The following LAMA2 variants were observed in gnomAD, a reference collection of about 807,000 sequenced individuals.
LAMA2 encodes laminin subunit alpha-2.
In LAMA2, 269 loss-of-function variants were observed where a neutral mutation model predicts 364.8. The observed-to-expected ratio is 0.74, with a 90% CI of 0.67 to 0.82. LAMA2 has a LOEUF of 0.82. LAMA2 is among the 40% of genes least tolerant of loss of function. The pLI is 0.00. For synonymous variants in LAMA2, 1,379 were observed against 1,370.6 expected, an observed-to-expected ratio of 1.01 and a Z score of -0.14; for missense variants, 3,807 against 3,873.2, an observed-to-expected ratio of 0.98 and a Z score of 0.45.
intron 39 of LAMA2, among the ~76,000 whole-genome samples, chr6:129,403,415 C>G (rs919859854): frequency 6.6e-6 from 1 of 152,096 alleles, no homozygotes; most frequent in African/African-American, 2.4e-5. Flanking sequence ...TTCTGAAATT[C>G]ACTTGGTCTC....
chr6:129,119,784 G>A (rs1186732346), intron 4 of LAMA2, among the ~76,000 whole-genome samples: 2 of 152,218 alleles, frequency 1.3e-5, no homozygotes, highest in African/African-American at 4.8e-5. Flanking sequence ...TTCTGACCTC[G>A]TGATCTGCCC....
At position 129,051,941 on chromosome 6, in the gene LAMA2, C is replaced by T. The variant is rs955664149; in HGVS notation, c.283+1853C>T. ...GTGTGTTTAGGATGGGCTGTGCAGA[C>T]GGGGAGAATTAGAGAGATAAAATAT... On this transcript the variant is annotated intron_variant, in intron 2 of 64. Coordinates refer to ENST00000421865, the MANE Select transcript of LAMA2 (RefSeq NM_000426.4). Among the ~76,000 whole-genome samples the T allele has an allele frequency of 3.7e-4, 56 of 150,032 alleles. 1 individual carries two copies. Among genetic ancestry groups the T allele is most frequent in the South Asian group, 4.3e-4 (2 of 4,704 alleles).
intron 1 of LAMA2, among the ~76,000 whole-genome samples, chr6:128,934,712 T>C (rs2114524884): frequency 1.3e-5 from 2 of 152,280 alleles, no homozygotes; most frequent in African/African-American, 4.8e-5. Context: ...TTTTGCTATG[T>C]TGGACAGGCT....
chr6:129,305,737 A>C (rs1773826715), intron 22 of LAMA2, among the ~76,000 whole-genome samples: 1 of 151,496 alleles, frequency 6.6e-6, no homozygotes, highest in South Asian at 2.1e-4. Context: ...GAGTTAAATC[A>C]TTTCCACTTA....
chr6:129,074,698 G>T (rs1773519149), intron 3 of LAMA2, among the ~76,000 whole-genome samples: 1 of 152,100 alleles, frequency 6.6e-6, no homozygotes, highest in Non-Finnish European at 1.5e-5. Context: ...ATTGCTTTTT[G>T]TGAATTTAAG....
At chr6:129,065,177 G>A (rs978498609) in intron 3 of LAMA2, among the ~76,000 whole-genome samples, 2 of 152,136 alleles carry the variant, frequency 1.3e-5, no homozygotes, top group Non-Finnish European at 1.5e-5. Flanking sequence ...CTCAATAGAT[G>A]CAGAAAAAGC....
At chr6:128,918,234 T>G (rs1778470612) in intron 1 of LAMA2, among the ~76,000 whole-genome samples, 1 of 152,190 alleles carries the variant, frequency 6.6e-6, no homozygotes, top group South Asian at 2.1e-4. Context: ...AACATTACTT[T>G]AAATTTCCTA....
At position 129,041,617 on chromosome 6, in the gene LAMA2, A is replaced by T. The variant is rs1787102680; in HGVS notation, c.113-8301A>T. ...TTACATATGTGTCATATTTCTATAG[A>T]TTTTTTTGACCAACATTTTATTTTG... On this transcript the variant is annotated intron_variant, in intron 1 of 64. Coordinates refer to ENST00000421865, the MANE Select transcript of LAMA2 (RefSeq NM_000426.4). 2.0e-5 allele frequency among the ~76,000 whole-genome samples: 3 copies of T among 152,180 alleles called. No individual in the cohort carries two copies. In the South Asian group the frequency reaches 6.2e-4, roughly 32 times the overall value.
chr6:129,464,526 C>A, intron 50 of LAMA2, 74 bp downstream of exon 50: 1 of 1,225,214 alleles, frequency 8.2e-7, no homozygotes, highest in Non-Finnish European at 1.2e-6. Flanking sequence ...TTGGTAAAAT[C>A]ATCAGTTATT....
chr6:129,287,318 A>G (rs971633726), intron 18 of LAMA2, among the ~76,000 whole-genome samples: 2 of 152,214 alleles, frequency 1.3e-5, no homozygotes, highest in Non-Finnish European at 2.9e-5. Flanking sequence ...ATTAATTCAG[A>G]TATACCCACA....
intron 41 of LAMA2, among the ~76,000 whole-genome samples, chr6:129,434,971 T>G (rs1268689742): frequency 6.6e-6 from 1 of 150,642 alleles, no homozygotes; most frequent in Non-Finnish European, 1.5e-5. Flanking sequence ...CAGAACAGGG[T>G]TGGAATATAC....
intron 8 of LAMA2, chr6:129,158,667 C>T (rs12209079): frequency 1.2e-6 from 2 of 1,614,124 alleles, no homozygotes; most frequent in Non-Finnish European, 1.7e-6. Context: ...AACCAGCCAT[C>T]GAATGCTGCC....
intron 4 of LAMA2, among the ~76,000 whole-genome samples, chr6:129,107,903 A>C (rs908877845): frequency 6.6e-6 from 1 of 152,128 alleles, no homozygotes; most frequent in Non-Finnish European, 1.5e-5. Flanking sequence ...CTGCCCTATA[A>C]GCTCAGGAGT....
At chr6:128,923,972 C>T (rs536359243) in intron 1 of LAMA2, among the ~76,000 whole-genome samples, 9 of 152,098 alleles carry the variant, frequency 5.9e-5, no homozygotes, top group Non-Finnish European at 1.2e-4. Flanking sequence ...CATGACTCTG[C>T]TCCACATTTT....
At chr6:129,298,006 T>A in intron 21 of LAMA2, 141 bp downstream of exon 21, 1 of 458,938 alleles carries the variant, frequency 2.2e-6, no homozygotes, top group Non-Finnish European at 3.4e-6. Flanking sequence ...TATTTTTACG[T>A]TACTTAAAAA....
At chr6:129,512,301 C>T in intron 62 of LAMA2, 62 bp from the exon 63 acceptor site, 4 of 1,470,658 alleles carry the variant, frequency 2.7e-6, no homozygotes, top group Non-Finnish European at 3.8e-6. Context: ...ATGCATTGTA[C>T]ACGTTTGAAT....
chr6:129,428,281 A>G (rs1456570200), intron 41 of LAMA2, among the ~76,000 whole-genome samples: 1 of 151,992 alleles, frequency 6.6e-6, no homozygotes, highest in Non-Finnish European at 1.5e-5. Context: ...CATTTTTTAA[A>G]AATTTAGTCA....
chr6:129,149,752 A>G (rs534271476), intron 7 of LAMA2, among the ~76,000 whole-genome samples: 1 of 152,280 alleles, frequency 6.6e-6, no homozygotes, highest in East Asian at 1.9e-4. Context: ...AAATGTTTGA[A>G]AAAAAGTTGC....
intron 30 of LAMA2, among the ~76,000 whole-genome samples, chr6:129,347,423 A>C (rs963020189): frequency 7.9e-5 from 12 of 152,230 alleles, no homozygotes; most frequent in Non-Finnish European, 1.6e-4. Context: ...AACAGAAATC[A>C]GAAAACTGAA....
Sources: gnomAD v4.1 joint callset for allele counts (sites outside exome capture counted in the v4.1 genomes callset) on GRCh38, gnomAD v4.1.1 for gene constraint, MANE v1.5 for transcripts, NCBI Gene and HGNC (gene_info 2026-07-23, HGNC 2026-07-21) for gene names.